Variants in TTF1 observed in about 807,000 individuals in gnomAD.
TTF1 encodes the protein transcription termination factor, RNA polymerase I.
TTF1 carries 64 observed loss-of-function variants against 80.2 expected under a neutral mutation model. The ratio of observed to expected loss-of-function variants is 0.80; its 90% CI spans 0.65 to 0.98. The LOEUF is 0.98. Among genes scored for constraint, TTF1 ranks in the 50% least tolerant of loss-of-function variants. TTF1 has a pLI of 0.00. For synonymous variants in TTF1, 372 were observed against 382.7 expected (o/e 0.97, Z 0.33); for missense variants, 1,023 against 1,086.2 (o/e 0.94, Z 0.82).
intron 7 of TTF1, 111 bp from the exon 8 acceptor site, chr9:132,388,339 TTTC>T: frequency 1.4e-6 from 1 of 701,656 alleles, no homozygotes; most frequent in South Asian, 2.1e-5. Context: ...ACTTCTAACT[TTTC>T]TTTTTTTTTT....
rs746380888 is a variant in TTF1, at chr9:132,398,321, C to T, written c.1597G>A (p.Ala533Thr). 37 of 1,604,384 alleles carry T rather than the reference C, an allele frequency of 2.3e-5. No individual in the cohort carries two copies. The highest frequency in any genetic ancestry group is 2.3e-4 in the African/African-American group (17 of 74,144). The change falls in exon 4 of 11, where the codon GCT (alanine) becomes ACT (threonine). Residue 533 changes from alanine (A) to threonine (T), a missense_variant. Coordinates refer to ENST00000334270, the MANE Select transcript of TTF1 (RefSeq NM_007344.4). ...RFKEFKAQGVAIKFGKFSVKE... is the reference protein window; with the variant it reads ...RFKEFKAQGVTIKFGKFSVKE... ...ACAGAAAACTTGCCAAATTTAATAG[C>T]GACACCTAGAATTGGGAAGGAACAG...
chr9:132,380,226 C>T (rs1026942132), intron 9 of TTF1, among the ~76,000 whole-genome samples: 1 of 152,088 alleles, frequency 6.6e-6, no homozygotes, highest in Non-Finnish European at 1.5e-5. Flanking sequence ...CCCACCACCA[C>T]GCCCAGCTAA....
intron 1 of TTF1, 51 bp from the exon 2 acceptor site, chr9:132,402,879 G>A (rs997340220): frequency 4.8e-5 from 71 of 1,488,396 alleles, no homozygotes; most frequent in South Asian, 1.5e-4. Context: ...TTTTTGAGAC[G>A]GAGTCTCACT....
intron 9 of TTF1, among the ~76,000 whole-genome samples, chr9:132,385,209 C>T (rs535273624): frequency 6.6e-6 from 1 of 152,080 alleles, no homozygotes; most frequent in Admixed American, 6.6e-5. Flanking sequence ...CAGCCAGACC[C>T]CACACCAGAC....
chr9:132,389,756 C>T (rs577686264), intron 7 of TTF1, among the ~76,000 whole-genome samples: 6 of 152,162 alleles, frequency 3.9e-5, no homozygotes, highest in African/African-American at 1.2e-4. Flanking sequence ...TCCAGCTCCG[C>T]GACTCTCCAG....
intron 2 of TTF1, 89 bp downstream of exon 2, chr9:132,401,366 T>TA: frequency 1.0e-5 from 12 of 1,170,148 alleles, no homozygotes; most frequent in South Asian, 3.5e-5. Flanking sequence ...AAATTAAAAA[T>TA]AAAAAAAAGT....
intron 1 of TTF1, among the ~76,000 whole-genome samples, chr9:132,404,831 C>G (rs1325964786): frequency 6.6e-6 from 1 of 152,144 alleles, no homozygotes; most frequent in African/African-American, 2.4e-5. Context: ...ACTTTTCAGG[C>G]CCATCTTTTA....
intron 8 of TTF1, among the ~76,000 whole-genome samples, chr9:132,387,696 A>G (rs1310035392): frequency 2.0e-5 from 3 of 152,122 alleles, no homozygotes; most frequent in Non-Finnish European, 4.4e-5. Context: ...TCAACACTTT[A>G]GGGGGGACCC....
chr9:132,401,586 C>T lies in TTF1; in HGVS notation c.1236G>A (p.Lys412=), dbSNP rs1849763566. Reference sequence around the variant, plus strand: ...AATCAAAGAGTGTGCTCTCAGAGTTCTTACTGGGCACTGAAAAATCATCAC... The same window carrying T: ...AATCAAAGAGTGTGCTCTCAGAGTTTTTACTGGGCACTGAAAAATCATCAC... ...VSGDDFSVPS[K]NSESTLFDSV... The change falls in exon 2 of 11, where the codon AAG becomes AAA. Residue 412 remains lysine (K), a synonymous_variant. Transcript: ENST00000334270. 5 of 1,614,098 alleles carry T rather than the reference C, an allele frequency of 3.1e-6. No individual in the cohort carries two copies. Among genetic ancestry groups the T allele is most frequent in the East Asian group, 4.5e-5 (2 of 44,874 alleles).
At chr9:132,396,658 CTTGTTTTTTTTGT>C in intron 4 of TTF1, 147 bp from the exon 5 acceptor site, 2 of 626,848 alleles carry the variant, frequency 3.2e-6, no homozygotes, top group African/African-American at 2.1e-5. Context: ...AGAAAGCTGT[CTTGTTTTTTTTGT>C]TTGTTTTTTT....
chr9:132,403,752 G>C (rs1348659471), intron 1 of TTF1, among the ~76,000 whole-genome samples: 1 of 152,122 alleles, frequency 6.6e-6, no homozygotes, highest in African/African-American at 2.4e-5. Flanking sequence ...TTGTACCATG[G>C]AGAAGCCATT....
At chr9:132,391,510 TA>T (rs968102879) in intron 6 of TTF1, among the ~76,000 whole-genome samples, 20 of 145,092 alleles carry the variant, frequency 1.4e-4, no homozygotes, top group Non-Finnish European at 1.4e-4. Flanking sequence ...TTCACAAAAT[TA>T]AAAAAAAAAA....
intron 9 of TTF1, among the ~76,000 whole-genome samples, chr9:132,385,152 C>T (rs1425620484): frequency 1.3e-5 from 2 of 152,114 alleles, no homozygotes; most frequent in Admixed American, 6.5e-5. Context: ...CACGGGGTCT[C>T]GGCAGGGTAA....
chr9:132,393,277 C>A (rs867915578), intron 5 of TTF1, among the ~76,000 whole-genome samples: 3 of 151,796 alleles, frequency 2.0e-5, no homozygotes, highest in Non-Finnish European at 2.9e-5. Flanking sequence ...AAGCCCCCCC[C>A]GCAAACTGGC....
At chr9:132,378,373 TGTG>T (rs779018892) in intron 10 of TTF1, among the ~76,000 whole-genome samples, 13 of 53,524 alleles carry the variant, frequency 2.4e-4, no homozygotes, top group Admixed American at 4.1e-4. Flanking sequence ...TGTGAATGCA[TGTG>T]GTGTGTGTGA....
At chr9:132,395,594 A>G (rs1266584490) in intron 5 of TTF1, among the ~76,000 whole-genome samples, 1 of 152,212 alleles carries the variant, frequency 6.6e-6, no homozygotes, top group Non-Finnish European at 1.5e-5. Context: ...CTGTGTGTGA[A>G]CTTTCCTCAC....
At position 132,384,105 on chromosome 9, in the gene TTF1, A is replaced by G. The variant is rs1190111744; in HGVS notation, c.2378+2451T>C. 1.3e-5 allele frequency among the ~76,000 whole-genome samples: 2 copies of G among 152,284 alleles called. No homozygotes were observed. The highest frequency in any genetic ancestry group is 1.3e-4 in the Admixed American group (2 of 15,288). ...CAGATAACAGTAATTGGAGGGAGTG[A>G]ATGTAGATGTTTAATAAGGACGGCT... On this transcript the variant is annotated intron_variant, in intron 9 of 10. Transcript: ENST00000334270. This position sits in a 1 kb window ranked among gnomAD's most constrained non-coding sequence, Gnocchi z 4.1.
intron 2 of TTF1, among the ~76,000 whole-genome samples, chr9:132,400,460 C>T (rs186503796): frequency 2.0e-5 from 3 of 152,232 alleles, no homozygotes; most frequent in African/African-American, 2.4e-5. Flanking sequence ...GTAGCTGGGA[C>T]TACAGGTACG....
intron 8 of TTF1, among the ~76,000 whole-genome samples, chr9:132,387,896 T>C (rs1040684337): frequency 6.6e-6 from 1 of 152,240 alleles, no homozygotes; most frequent in African/African-American, 2.4e-5. Context: ...TTTCACACGT[T>C]ATTTTCTTTT....
Sources: allele counts gnomAD v4.1 joint callset (sites outside exome capture counted in the v4.1 genomes callset), GRCh38; gene constraint gnomAD v4.1.1; non-coding constraint Gnocchi (gnomAD v3.1); transcripts MANE v1.5; gene names NCBI Gene and HGNC (gene_info 2026-07-23, HGNC 2026-07-21).